The following NSMAF variants were observed in gnomAD, a reference collection of about 807,000 sequenced individuals.
The protein encoded by NSMAF is neutral sphingomyelinase activation associated factor.
Under a neutral mutation model 134.9 loss-of-function variants are expected in NSMAF, and 90 were observed. The observed-to-expected ratio is 0.67, with a 90% CI of 0.56 to 0.79. The LOEUF (loss-of-function observed/expected upper bound fraction) is 0.79, where lower values mean the gene tolerates loss of function less well. Among genes scored for constraint, NSMAF ranks in the 30% least tolerant of loss-of-function variants. The pLI is 0.00. For missense variants in NSMAF, 1,010 were observed against 1,119.0 expected, an observed-to-expected ratio of 0.90 and a Z score of 1.39; for synonymous variants, 358 against 389.6, an observed-to-expected ratio of 0.92 and a Z score of 0.96.
intron 2 of NSMAF, among the ~76,000 whole-genome samples, chr8:58,635,789 G>C (rs1043208972): frequency 2.0e-4 from 30 of 152,182 alleles, no homozygotes; most frequent in African/African-American, 5.3e-4. Context: ...TGGTTTATAT[G>C]TGTATCTCCA....
At chr8:58,585,067 C>T (rs1179353950) in intron 30 of NSMAF, among the ~76,000 whole-genome samples, 2 of 152,186 alleles carry the variant, frequency 1.3e-5, no homozygotes, top group Non-Finnish European at 2.9e-5. Flanking sequence ...AAACCAAGTC[C>T]TCCAAATGAT....
Position 58,590,880 on chromosome 8 carries a change from G to T in NSMAF, c.2006C>A (p.Ser669Ter). 1.3e-6 allele frequency: 2 copies of T among 1,560,886 alleles called. No individual in the cohort carries two copies. Among genetic ancestry groups the T allele is most frequent in the South Asian group, 1.1e-5 (1 of 89,718 alleles). Residue 669 changes from serine (S) to a stop codon, truncating the protein, a stop_gained, in exon 24 of 31, where the codon TCA becomes TAA. Coordinates refer to ENST00000038176, the MANE Select transcript of NSMAF (RefSeq NM_003580.4). LOFTEE classifies it high-confidence loss of function. ...AAATGAACTCACCATATTTGAAAATGATATACTTCTTTGTAGCATTTTTGA... is the reference window on the plus strand; with the variant it reads ...AAATGAACTCACCATATTTGAAAATTATATACTTCTTTGTAGCATTTTTGA... ...KESKMLQRSI[S>*]FSNMALSSCL... is the part of the protein sequence containing the mutation.
intron 1 of NSMAF, among the ~76,000 whole-genome samples, chr8:58,645,850 G>T (rs1324771661): frequency 6.6e-6 from 1 of 152,154 alleles, no homozygotes; most frequent in African/African-American, 2.4e-5. Context: ...AGACCAGCCT[G>T]GTCAACATGG....
At chr8:58,620,286 G>A (rs981764069) in intron 9 of NSMAF, among the ~76,000 whole-genome samples, 1 of 152,190 alleles carries the variant, frequency 6.6e-6, no homozygotes, top group African/African-American at 2.4e-5. Context: ...GTGCAGAGAA[G>A]GAGGATGAGT....
chr8:58,607,725 A>C (rs751715819), intron 11 of NSMAF, 44 bp downstream of exon 11: 2 of 1,473,426 alleles, frequency 1.4e-6, no homozygotes, highest in Non-Finnish European at 1.9e-6. Flanking sequence ...GGCTAAACTG[A>C]AAGTGTGACA....
intron 1 of NSMAF, among the ~76,000 whole-genome samples, chr8:58,655,602 C>T (rs1755847487): frequency 6.6e-6 from 1 of 152,034 alleles, no homozygotes; most frequent in Non-Finnish European, 1.5e-5. Flanking sequence ...TATACACCTG[C>T]CATCCCTGAC....
chr8:58,618,202 T>C (rs1212979083), intron 9 of NSMAF, among the ~76,000 whole-genome samples: 2 of 151,990 alleles, frequency 1.3e-5, no homozygotes, highest in African/African-American at 4.8e-5. Flanking sequence ...AGGAGAAATA[T>C]CTAATGTAAA....
chr8:58,657,007 G>C (rs752309020), intron 1 of NSMAF, among the ~76,000 whole-genome samples: 1 of 151,728 alleles, frequency 6.6e-6, no homozygotes, highest in Non-Finnish European at 1.5e-5. Flanking sequence ...ACTTAACTGG[G>C]TGTGCTGTAT....
rs974653180 is a variant in NSMAF, at chr8:58,597,636, G to A, written c.1629-86C>T. ...CATTTCAAATAGTACTGATCAATAG[G>A]AGGGACTAACCCTCAAATAATGACA... On this transcript the variant is annotated intron_variant, in intron 20 of 30. Coordinates refer to ENST00000038176, the MANE Select transcript of NSMAF (RefSeq NM_003580.4). 2.7e-5 allele frequency: 35 copies of A among 1,284,116 alleles called. No individual in the cohort carries two copies. In the Admixed American group the frequency reaches 6.0e-4, roughly 22 times the overall value. 79.5% of individuals were successfully genotyped at this position (1,284,116 alleles called of 1,614,324 possible). A position where few individuals can be genotyped will look rare whatever the true frequency, so the allele number is the denominator to read the frequency against.
At chr8:58,640,647 A>G (rs1406586923) in intron 2 of NSMAF, among the ~76,000 whole-genome samples, 1 of 152,172 alleles carries the variant, frequency 6.6e-6, no homozygotes, top group Non-Finnish European at 1.5e-5. Context: ...TTATATTGTA[A>G]AGTTGATTAA....
At position 58,599,965 on chromosome 8, in the gene NSMAF, C is replaced by T. The variant is rs1563527183; in HGVS notation, c.1332+5G>A. 6.2e-7 allele frequency: 1 copy of T among 1,613,906 alleles called. No homozygotes were observed. The highest frequency in any genetic ancestry group is 1.7e-5 in the Admixed American group (1 of 59,998). On this transcript the variant is annotated splice_donor_5th_base_variant and intron_variant, in intron 17 of 30. Coordinates refer to ENST00000038176, the MANE Select transcript of NSMAF (RefSeq NM_003580.4). Reference sequence around the variant, plus strand: ...AGTTACTCATCAGCTTTATTAACTGCTTACCTCTTTAAAATCCGTTGCACC... The same window carrying T: ...AGTTACTCATCAGCTTTATTAACTGTTTACCTCTTTAAAATCCGTTGCACC...
intron 9 of NSMAF, among the ~76,000 whole-genome samples, chr8:58,612,516 T>C (rs1332728694): frequency 6.6e-6 from 1 of 152,162 alleles, no homozygotes; most frequent in Non-Finnish European, 1.5e-5. Context: ...TAAGTAAATA[T>C]TTCCAAGTTC....
chr8:58,593,715 A>T (rs1585727826), intron 23 of NSMAF, among the ~76,000 whole-genome samples: 1 of 152,256 alleles, frequency 6.6e-6, no homozygotes, highest in East Asian at 1.9e-4. Context: ...AAGTCATATC[A>T]ATGACACACT....
At chr8:58,653,175 T>G (rs1056498639) in intron 1 of NSMAF, among the ~76,000 whole-genome samples, 15 of 152,194 alleles carry the variant, frequency 9.9e-5, no homozygotes, top group Non-Finnish European at 2.2e-4. Flanking sequence ...TTTAATATGC[T>G]TATGTTTTAA....
chr8:58,643,153 C>G, intron 1 of NSMAF, 80 bp from the exon 2 acceptor site: 1 of 1,009,568 alleles, frequency 9.9e-7, no homozygotes, highest in Non-Finnish European at 1.6e-6. Flanking sequence ...ACGTCTGATC[C>G]CAAAAAGCTT....
chr8:58,645,260 T>C (rs915789247), intron 1 of NSMAF, among the ~76,000 whole-genome samples: 2 of 136,620 alleles, frequency 1.5e-5, no homozygotes, highest in African/African-American at 5.1e-5. Flanking sequence ...ATGTGGTTTT[T>C]CTATTTAAAA....
intron 22 of NSMAF, 67 bp downstream of exon 22, chr8:58,595,493 T>A: frequency 9.1e-7 from 1 of 1,101,290 alleles, no homozygotes; most frequent in Non-Finnish European, 1.4e-6. Flanking sequence ...AACAGTTTAA[T>A]CCCATGCCAA....
At chr8:58,638,780 T>C (rs1213388882) in intron 2 of NSMAF, among the ~76,000 whole-genome samples, 1 of 151,978 alleles carries the variant, frequency 6.6e-6, no homozygotes, top group Non-Finnish European at 1.5e-5. Flanking sequence ...TGGGATTACA[T>C]AAAACAAAAA....
At chr8:58,654,310 T>G (rs1415902414) in intron 1 of NSMAF, among the ~76,000 whole-genome samples, 3 of 152,142 alleles carry the variant, frequency 2.0e-5, no homozygotes, top group Non-Finnish European at 4.4e-5. Context: ...TAAAAGAAAG[T>G]TGGGCCGGGC....
Sources: allele counts gnomAD v4.1 joint callset (sites outside exome capture counted in the v4.1 genomes callset), GRCh38; gene constraint gnomAD v4.1.1; transcripts MANE v1.5; gene names NCBI Gene and HGNC (gene_info 2026-07-23, HGNC 2026-07-21).